NCAM2: variants seen among roughly 807,000 people sequenced by gnomAD.
NCAM2 encodes the protein N-CAM-2.
A neutral mutation model predicts 98.1 loss-of-function variants in NCAM2; 30 were observed. The ratio of observed to expected loss-of-function variants is 0.31; its 90% CI spans 0.23 to 0.41. The LOEUF is 0.41. NCAM2 is among the 10% of genes least tolerant of loss of function. NCAM2 has a pLI of 1.00. For synonymous variants in NCAM2, 368 were observed against 342.4 expected (o/e 1.07, Z -0.83); for missense variants, 867 against 1,005.8 (o/e 0.86, Z 1.87).
At chr21:21,525,238 G>A (rs1264352542) in intron 16 of NCAM2, among the ~76,000 whole-genome samples, 6 of 151,974 alleles carry the variant, frequency 3.9e-5, no homozygotes, top group South Asian at 2.1e-4. Context: ...AAAGATTAAC[G>A]AAATTGCTAA....
intron 16 of NCAM2, among the ~76,000 whole-genome samples, chr21:21,526,374 TTTAA>T (rs1391891991): frequency 6.6e-6 from 1 of 152,082 alleles, no homozygotes. Flanking sequence ...AAATTATTAT[TTTAA>T]TTAGCACCCC....
intron 1 of NCAM2, among the ~76,000 whole-genome samples, chr21:21,110,598 C>G (rs980242932): frequency 2.7e-5 from 4 of 150,580 alleles, no homozygotes; most frequent in African/African-American, 9.7e-5. Context: ...AAGGCATTCC[C>G]TGGTAGTTTC....
intron 1 of NCAM2, among the ~76,000 whole-genome samples, chr21:21,243,851 T>C (rs555594659): frequency 6.6e-6 from 1 of 152,286 alleles, no homozygotes; most frequent in South Asian, 2.1e-4. Flanking sequence ...TCAAGGAAAG[T>C]AAGATAGAGT....
intron 1 of NCAM2, among the ~76,000 whole-genome samples, chr21:21,272,607 G>A (rs2072556628): frequency 6.6e-6 from 1 of 151,844 alleles, no homozygotes; most frequent in African/African-American, 2.4e-5. Context: ...GAGCAGCCTA[G>A]CAATGGGGAG....
At chr21:21,006,884 T>C (rs1317688640) in intron 1 of NCAM2, among the ~76,000 whole-genome samples, 2 of 152,322 alleles carry the variant, frequency 1.3e-5, no homozygotes, top group Non-Finnish European at 2.9e-5. Flanking sequence ...CCTTCAGGTC[T>C]TGCATCCTGA....
At chr21:21,471,882 G>T (rs985444136) in intron 14 of NCAM2, among the ~76,000 whole-genome samples, 1 of 151,998 alleles carries the variant, frequency 6.6e-6, no homozygotes, top group Admixed American at 6.6e-5. Flanking sequence ...AACAGAACTA[G>T]AGTAATAAAA....
intron 1 of NCAM2, among the ~76,000 whole-genome samples, chr21:21,238,909 G>A (rs533034785): frequency 1.3e-5 from 2 of 152,104 alleles, no homozygotes; most frequent in Non-Finnish European, 2.9e-5. Flanking sequence ...TCTTCTCAGA[G>A]CAATTCCCCT....
intron 9 of NCAM2, chr21:21,385,553 G>C: frequency 1.2e-6 from 1 of 860,770 alleles, no homozygotes; most frequent in Non-Finnish European, 1.7e-6. Flanking sequence ...CTAAACTTAA[G>C]GTGTTAGAAA....
chr21:21,434,598 C>A (rs1242190813), intron 12 of NCAM2, among the ~76,000 whole-genome samples: 1 of 152,032 alleles, frequency 6.6e-6, no homozygotes, highest in African/African-American at 2.4e-5. Flanking sequence ...TTAAGCTCTT[C>A]TTTTTGATTC....
chr21:21,468,902 A>C (rs1372755380), intron 14 of NCAM2, 119 bp downstream of exon 14: 1 of 909,064 alleles, frequency 1.1e-6, no homozygotes. Context: ...AATAAATGCT[A>C]ATCTTCCTTC....
chr21:21,466,199 A>G (rs993262186), intron 12 of NCAM2, among the ~76,000 whole-genome samples: 95 of 152,176 alleles, frequency 6.2e-4, no homozygotes, highest in African/African-American at 2.1e-3. Context: ...TCTGCATATT[A>G]AATTCCATGA....
chr21:21,143,804 G>GT (rs201614786), intron 1 of NCAM2, among the ~76,000 whole-genome samples: 52,348 of 123,294 alleles, frequency 0.42, 12,059 homozygotes, highest in East Asian at 0.51. Flanking sequence ...TTTTTAGGAA[G>GT]TTTTTTTTTT....
At chr21:21,271,495 G>A (rs1454411290) in intron 1 of NCAM2, among the ~76,000 whole-genome samples, 1 of 152,114 alleles carries the variant, frequency 6.6e-6, no homozygotes, top group Admixed American at 6.5e-5. Flanking sequence ...GTAATATCAT[G>A]CCTTTAAACT....
At chr21:21,439,414 C>G (rs1401988122) in intron 12 of NCAM2, among the ~76,000 whole-genome samples, 1 of 152,160 alleles carries the variant, frequency 6.6e-6, no homozygotes, top group Admixed American at 6.5e-5. Flanking sequence ...CAGGCGTGAG[C>G]CACTGCGCCC....
At chr21:21,269,366 C>T (rs1028284731) in intron 1 of NCAM2, among the ~76,000 whole-genome samples, 1 of 152,156 alleles carries the variant, frequency 6.6e-6, no homozygotes, top group Non-Finnish European at 1.5e-5. Context: ...CCTATGGCTA[C>T]ATCGCAGCAC....
rs201226273 is a variant in NCAM2, at chr21:21,350,947, A to AG, written c.1044+12413_1044+12414insG. ...GTAAAAATACAAAAAAAAAAAAAAA[A>AG]AGGAGAGAAAAGAAAAAAAATTAGC... On this transcript the variant is annotated intron_variant, in intron 8 of 17. Coordinates refer to ENST00000400546, the MANE Select transcript of NCAM2 (RefSeq NM_004540.5). 7.4e-3 allele frequency among the ~76,000 whole-genome samples: 1,043 copies of AG among 140,746 alleles called. 31 individuals carry two copies. Among genetic ancestry groups the AG allele is most frequent in the Admixed American group, 0.05 (692 of 13,940 alleles). The allele number at this position is 140,746 out of a possible 152,430, so 92.3% of individuals were successfully genotyped here. A position where few individuals can be genotyped will look rare whatever the true frequency, so the allele number is the denominator to read the frequency against.
chr21:21,097,085 A>G (rs894817673), intron 1 of NCAM2, among the ~76,000 whole-genome samples: 1 of 151,656 alleles, frequency 6.6e-6, no homozygotes, highest in Admixed American at 6.6e-5. Context: ...TCCTTCTTTC[A>G]TTATACGTTT....
At chr21:21,459,322 C>T (rs967485475) in intron 12 of NCAM2, among the ~76,000 whole-genome samples, 4 of 151,492 alleles carry the variant, frequency 2.6e-5, no homozygotes, top group African/African-American at 7.3e-5. Flanking sequence ...GAAATGTGTA[C>T]GTCTATGTTC....
At chr21:21,346,573 G>A (rs2075195013) in intron 8 of NCAM2, among the ~76,000 whole-genome samples, 1 of 152,016 alleles carries the variant, frequency 6.6e-6, no homozygotes, top group Non-Finnish European at 1.5e-5. Context: ...AATGGCTGCA[G>A]AATACACATT....
Sources: gnomAD v4.1 joint callset for allele counts (sites outside exome capture counted in the v4.1 genomes callset) on GRCh38, gnomAD v4.1.1 for gene constraint, MANE v1.5 for transcripts, NCBI Gene and HGNC (gene_info 2026-07-23, HGNC 2026-07-21) for gene names.